Variants in PITPNB observed in about 807,000 individuals in gnomAD.
PITPNB encodes the protein phosphatidylinositol transfer protein beta.
PITPNB carries 16 observed loss-of-function variants against 45.9 expected under a neutral mutation model. That is an observed-to-expected ratio of 0.35 (90% CI 0.24 to 0.53). PITPNB has a LOEUF of 0.53. Among genes scored for constraint, PITPNB ranks in the 20% least tolerant of loss-of-function variants. The pLI is 0.93. For synonymous variants in PITPNB, 112 were observed against 108.9 expected (o/e 1.03, Z -0.18); for missense variants, 188 against 330.5 (o/e 0.57, Z 3.34).
intron 7 of PITPNB, among the ~76,000 whole-genome samples, chr22:27,884,652 C>G (rs1935065133): frequency 6.6e-6 from 1 of 152,200 alleles, no homozygotes; most frequent in Non-Finnish European, 1.5e-5. Context: ...GGAAAAATTT[C>G]ACCATGAACT....
Position 27,915,479 on chromosome 22 carries a change from C to CT in PITPNB, c.21-1133dup. On this transcript the variant is annotated intron_variant, in intron 1 of 11. Coordinates refer to ENST00000335272, the MANE Select transcript of PITPNB (RefSeq NM_012399.5). ...ATATCTAGTTTGCATTCCAGCTACA[C>CT]TTTCCATCTACTCCTTTCTCCCTAC... 2.0e-5 allele frequency among the ~76,000 whole-genome samples: 3 copies of CT among 152,172 alleles called. 1 individual carries two copies. The South Asian group carries it at 6.2e-4, about 32-fold the overall frequency.
intron 7 of PITPNB, among the ~76,000 whole-genome samples, chr22:27,885,394 A>C (rs538715738): frequency 6.6e-6 from 1 of 152,316 alleles, no homozygotes; most frequent in Admixed American, 6.5e-5. Flanking sequence ...GAAATTAAAA[A>C]ACTTTAAAAC....
intron 7 of PITPNB, among the ~76,000 whole-genome samples, chr22:27,875,001 A>C (rs1413479487): frequency 6.6e-6 from 1 of 152,208 alleles, no homozygotes; most frequent in Non-Finnish European, 1.5e-5. Flanking sequence ...CAACAACAAC[A>C]ACAACAAAAC....
intron 7 of PITPNB, among the ~76,000 whole-genome samples, chr22:27,883,993 A>C (rs551616602): frequency 1.3e-5 from 2 of 152,298 alleles, no homozygotes; most frequent in South Asian, 4.1e-4. Context: ...ATTAAGAAAA[A>C]AAATGTGACT....
chr22:27,866,978 A>G (rs969243504), intron 8 of PITPNB, among the ~76,000 whole-genome samples: 1 of 152,126 alleles, frequency 6.6e-6, no homozygotes, highest in Non-Finnish European at 1.5e-5. Context: ...CAACTCAGCT[A>G]TTCTCTCTAT....
In PITPNB at chr22:27,914,648, A is replaced by G. The variant is rs142884314; in HGVS notation, c.21-301T>C. ...GAGAAAACTCAACATTGAAAATTGC[A>G]GGGTACAGAACGTATTATTTGCAGA... On this transcript the variant is annotated intron_variant, in intron 1 of 11. Coordinates refer to ENST00000335272, the MANE Select transcript of PITPNB (RefSeq NM_012399.5). Among the ~76,000 whole-genome samples, 1,027 of 152,342 alleles carry G rather than the reference A, an allele frequency of 6.7e-3. 7 individuals carry two copies. Among genetic ancestry groups the G allele is most frequent in the African/African-American group, 0.022 (932 of 41,578 alleles).
At chr22:27,906,407 G>C (rs1935763651) in intron 3 of PITPNB, among the ~76,000 whole-genome samples, 1 of 152,184 alleles carries the variant, frequency 6.6e-6, no homozygotes, top group Non-Finnish European at 1.5e-5. Flanking sequence ...TGTGGTTTTG[G>C]AAGAATTTTT....
intron 7 of PITPNB, among the ~76,000 whole-genome samples, chr22:27,881,696 C>A (rs1934977237): frequency 6.6e-6 from 1 of 152,212 alleles, no homozygotes; most frequent in South Asian, 2.1e-4. Flanking sequence ...AAATAAGCAG[C>A]AGCAGTTGGA....
intron 8 of PITPNB, among the ~76,000 whole-genome samples, chr22:27,866,410 A>G (rs958815045): frequency 1.6e-4 from 25 of 152,218 alleles, no homozygotes; most frequent in Non-Finnish European, 3.2e-4. Context: ...AATGTATACT[A>G]GAGGCACACA....
chr22:27,889,227 A>C (rs1935206477), intron 7 of PITPNB, among the ~76,000 whole-genome samples: 1 of 152,146 alleles, frequency 6.6e-6, no homozygotes, highest in Non-Finnish European at 1.5e-5. Context: ...TCTAAATGCA[A>C]GGAGGCCTAG....
chr22:27,903,407 T>C (rs958269978), intron 3 of PITPNB, among the ~76,000 whole-genome samples: 7 of 146,910 alleles, frequency 4.8e-5, no homozygotes, highest in African/African-American at 1.8e-4. Context: ...AGGCGGAGGT[T>C]GTGGTGAGCC....
At chr22:27,912,264 A>T (rs1179954546) in intron 2 of PITPNB, among the ~76,000 whole-genome samples, 5 of 152,188 alleles carry the variant, frequency 3.3e-5, no homozygotes, top group Admixed American at 3.3e-4. Flanking sequence ...TTAAAAACAC[A>T]CCCACACACA....
chr22:27,911,831 G>A (rs1158960401), intron 2 of PITPNB, among the ~76,000 whole-genome samples: 1 of 152,164 alleles, frequency 6.6e-6, no homozygotes, highest in Non-Finnish European at 1.5e-5. Context: ...TACCATAAAA[G>A]GTAGGAAATT....
At chr22:27,905,248 A>G (rs1396617622) in intron 3 of PITPNB, among the ~76,000 whole-genome samples, 1 of 152,160 alleles carries the variant, frequency 6.6e-6, no homozygotes, top group Non-Finnish European at 1.5e-5. Context: ...CCCAGGTTCA[A>G]GCAATCCTCC....
At chr22:27,880,653 G>A (rs1490381380) in intron 7 of PITPNB, among the ~76,000 whole-genome samples, 6 of 150,390 alleles carry the variant, frequency 4.0e-5, no homozygotes, top group South Asian at 2.1e-4. Flanking sequence ...ATGGAGTTTC[G>A]CTCTTGTTGC....
At chr22:27,902,892 A>T (rs1222641106) in intron 3 of PITPNB, among the ~76,000 whole-genome samples, 3 of 151,990 alleles carry the variant, frequency 2.0e-5, no homozygotes, top group Non-Finnish European at 4.4e-5. Flanking sequence ...GCTAATTTTT[A>T]AATTTTTTTG....
At chr22:27,871,295 G>A (rs1439031177) in intron 8 of PITPNB, among the ~76,000 whole-genome samples, 2 of 152,208 alleles carry the variant, frequency 1.3e-5, no homozygotes, top group Non-Finnish European at 2.9e-5. Flanking sequence ...CCTATAGGAA[G>A]GATCTGAGCC....
chr22:27,890,360 T>A (rs9625353), intron 7 of PITPNB, among the ~76,000 whole-genome samples: 1,913 of 140,994 alleles, frequency 0.014, 35 homozygotes, highest in African/African-American at 0.05. Flanking sequence ...TGGAATTATT[T>A]TTTTTTTTTA....
intron 3 of PITPNB, among the ~76,000 whole-genome samples, chr22:27,905,929 G>A (rs527419756): frequency 2.2e-4 from 33 of 152,284 alleles, no homozygotes; most frequent in Admixed American, 2.0e-3. Flanking sequence ...AAAATTCTCT[G>A]CCCAGTAAAT....
Sources: allele counts gnomAD v4.1 joint callset (sites outside exome capture counted in the v4.1 genomes callset), GRCh38; gene constraint gnomAD v4.1.1; transcripts MANE v1.5; gene names NCBI Gene and HGNC (gene_info 2026-07-23, HGNC 2026-07-21).